The following CALCR variants were observed in gnomAD, a reference collection of about 807,000 sequenced individuals.
CALCR encodes the protein calcitonin receptor.
A neutral mutation model predicts 59.5 loss-of-function variants in CALCR; 47 were observed. The ratio of observed to expected loss-of-function variants is 0.79; its 90% confidence interval spans 0.63 to 1.01. CALCR has a LOEUF of 1.01. Ranked by LOEUF, CALCR falls within the 50% of genes least tolerant of loss-of-function variation. The pLI is 0.00. For synonymous variants in CALCR, 213 were observed against 211.3 expected, an observed-to-expected ratio of 1.01 and a Z score of -0.07; for missense variants, 566 against 597.1, an observed-to-expected ratio of 0.95 and a Z score of 0.54.
At chr7:93,501,142 T>C (rs1260140360) in intron 2 of CALCR, among the ~76,000 whole-genome samples, 2 of 152,036 alleles carry the variant, frequency 1.3e-5, no homozygotes, top group Non-Finnish European at 2.9e-5. Flanking sequence ...ATACAAATAG[T>C]TCTCATCATA....
chr7:93,538,720 G>A (rs951699856), intron 2 of CALCR, among the ~76,000 whole-genome samples: 6 of 152,046 alleles, frequency 3.9e-5, no homozygotes, highest in Admixed American at 6.6e-5. Context: ...ACATGCTCAA[G>A]ACTTCATGAA....
intron 2 of CALCR, among the ~76,000 whole-genome samples, chr7:93,533,889 C>T (rs1788914775): frequency 6.6e-6 from 1 of 151,788 alleles, no homozygotes; most frequent in Non-Finnish European, 1.5e-5. Flanking sequence ...GGTTTGTTAG[C>T]AGCCTGCTTT....
At chr7:93,453,239 G>A (rs1800144766) in intron 8 of CALCR, among the ~76,000 whole-genome samples, 1 of 152,012 alleles carries the variant, frequency 6.6e-6, no homozygotes, top group Non-Finnish European at 1.5e-5. Context: ...TGTGTCAGAT[G>A]ACGTTTTGTG....
At chr7:93,443,828 G>A (rs945330509) in intron 8 of CALCR, 71 bp from the exon 9 acceptor site, 38 of 1,379,180 alleles carry the variant, frequency 2.8e-5, no homozygotes, top group Non-Finnish European at 3.5e-5. Context: ...CAGAGCAAAT[G>A]TGAAAACAAG....
chr7:93,431,353 C>T (rs562590615), intron 13 of CALCR, among the ~76,000 whole-genome samples: 4 of 152,320 alleles, frequency 2.6e-5, no homozygotes, highest in Admixed American at 1.3e-4. Flanking sequence ...TGTCCAACAG[C>T]GGAGCAGCAA....
At chr7:93,442,249 C>G (rs1799922570) in intron 9 of CALCR, among the ~76,000 whole-genome samples, 1 of 152,196 alleles carries the variant, frequency 6.6e-6, no homozygotes, top group Non-Finnish European at 1.5e-5. Flanking sequence ...GACAACTTCT[C>G]TGTATTTGCT....
At chr7:93,495,818 G>A in intron 2 of CALCR, 1 of 1,159,548 alleles carries the variant, frequency 8.6e-7, no homozygotes, top group Non-Finnish European at 1.2e-6. Context: ...TTTAGAACAT[G>A]CAAATGAAGA....
chr7:93,568,418 T>C (rs1161311160), intron 2 of CALCR, among the ~76,000 whole-genome samples: 1 of 152,032 alleles, frequency 6.6e-6, no homozygotes, highest in Non-Finnish European at 1.5e-5. Flanking sequence ...TTAAATGCAA[T>C]TGCGAGCTCT....
At chr7:93,447,870 C>G (rs989466142) in intron 8 of CALCR, among the ~76,000 whole-genome samples, 1 of 151,952 alleles carries the variant, frequency 6.6e-6, no homozygotes, top group African/African-American at 2.4e-5. Context: ...TGTCCTATCA[C>G]TCTTTGAAAC....
At chr7:93,451,490 T>A (rs191201231) in intron 8 of CALCR, among the ~76,000 whole-genome samples, 3 of 152,006 alleles carry the variant, frequency 2.0e-5, no homozygotes, top group Admixed American at 2.0e-4. Context: ...TTTGTCTGAA[T>A]CAAATATACT....
At chr7:93,488,582 GAAAAAAA>G (rs1554401502) in intron 2 of CALCR, among the ~76,000 whole-genome samples, 2 of 78,036 alleles carry the variant, frequency 2.6e-5, no homozygotes, top group African/African-American at 5.0e-5. Context: ...CAAATGGAAA[GAAAAAAA>G]AAAAAAAAAA....
chr7:93,512,089 T>A (rs1801558664), intron 2 of CALCR, among the ~76,000 whole-genome samples: 1 of 152,168 alleles, frequency 6.6e-6, no homozygotes, highest in African/African-American at 2.4e-5. Context: ...AAGCCCCAGC[T>A]AAAATGCAGT....
chr7:93,511,997 G>C (rs369252917), intron 2 of CALCR, among the ~76,000 whole-genome samples: 1 of 152,018 alleles, frequency 6.6e-6, no homozygotes, highest in African/African-American at 2.4e-5. Context: ...CCATAAATCC[G>C]CCCAGTTTTA....
chr7:93,446,682 G>C (rs954237628), intron 8 of CALCR, among the ~76,000 whole-genome samples: 2 of 151,912 alleles, frequency 1.3e-5, no homozygotes, highest in African/African-American at 2.4e-5. Flanking sequence ...CTCTTGATTA[G>C]GGTTAGTCCT....
intron 2 of CALCR, among the ~76,000 whole-genome samples, chr7:93,495,638 G>A (rs1046762643): frequency 2.6e-5 from 4 of 151,324 alleles, no homozygotes; most frequent in African/African-American, 9.7e-5. Context: ...AATAGGAGAA[G>A]TATACAAGAC....
chr7:93,450,289 C>T (rs1305311608), intron 8 of CALCR, among the ~76,000 whole-genome samples: 1 of 151,976 alleles, frequency 6.6e-6, no homozygotes, highest in Non-Finnish European at 1.5e-5. Context: ...AAAGTAAATA[C>T]ATTTGATATG....
At chr7:93,496,112 T>C (rs1801196655) in intron 2 of CALCR, 1 of 553,794 alleles carries the variant, frequency 1.8e-6, no homozygotes, top group Non-Finnish European at 3.1e-6. Flanking sequence ...AAAATGTCAA[T>C]GTCTGAAAAT....
intron 2 of CALCR, among the ~76,000 whole-genome samples, chr7:93,523,064 T>C (rs888492505): frequency 3.3e-5 from 5 of 152,174 alleles, no homozygotes; most frequent in Non-Finnish European, 5.9e-5. Flanking sequence ...TAGAATAGAA[T>C]ATGGTAAATT....
intron 2 of CALCR, among the ~76,000 whole-genome samples, chr7:93,516,441 A>G (rs1187162941): frequency 6.6e-6 from 1 of 151,934 alleles, no homozygotes; most frequent in Non-Finnish European, 1.5e-5. Context: ...GGCTAGTATC[A>G]TTACACCAAA....
Sources: gnomAD v4.1 joint callset for allele counts (sites outside exome capture counted in the v4.1 genomes callset) on GRCh38, gnomAD v4.1.1 for gene constraint, MANE v1.5 for transcripts, NCBI Gene and HGNC (gene_info 2026-07-23, HGNC 2026-07-21) for gene names.